EPHA5: variants seen among roughly 807,000 people sequenced by gnomAD.
EPHA5 encodes the protein ephrin type-A receptor 5.
Under a neutral mutation model 105.0 loss-of-function variants are expected in EPHA5, and 60 were observed. That is an observed-to-expected ratio of 0.57 (90% CI 0.46 to 0.71). The LOEUF (loss-of-function observed/expected upper bound fraction) is 0.71, where lower values mean the gene tolerates loss of function less well. EPHA5 is among the 30% of genes least tolerant of loss of function. The probability of loss-of-function intolerance (pLI) is 0.00; values close to 1 mark genes in which losing one functional copy is unlikely to be tolerated. For synonymous variants in EPHA5, 513 were observed against 449.1 expected (o/e 1.14, Z -1.80); for missense variants, 1,218 against 1,274.7 (o/e 0.96, Z 0.68).
chr4:65,383,037 T>C (rs145805992), intron 8 of EPHA5, among the ~76,000 whole-genome samples: 3 of 149,154 alleles, frequency 2.0e-5, no homozygotes, highest in Non-Finnish European at 4.5e-5. Context: ...AAACATATAA[T>C]TTATATATAC....
At chr4:65,407,523 T>C (rs961713760) in intron 7 of EPHA5, among the ~76,000 whole-genome samples, 39 of 122,660 alleles carry the variant, frequency 3.2e-4, no homozygotes, top group African/African-American at 1.0e-3. Context: ...GCTAAGACAT[T>C]TTATGAACAT....
At chr4:65,473,053 G>A (rs540767525) in intron 5 of EPHA5, among the ~76,000 whole-genome samples, 5 of 152,116 alleles carry the variant, frequency 3.3e-5, no homozygotes, top group Non-Finnish European at 7.4e-5. Context: ...TAGGGCAGAG[G>A]CAAAATGCCA....
At chr4:65,529,812 T>C (rs758740019) in intron 3 of EPHA5, among the ~76,000 whole-genome samples, 2 of 152,108 alleles carry the variant, frequency 1.3e-5, no homozygotes, top group Non-Finnish European at 2.9e-5. Flanking sequence ...TAATTAATAG[T>C]CTACAAATAA....
rs532893072 is a variant in EPHA5 at position 65,619,760 on chromosome 4, T to C, written c.247-17456A>G. ...CCTAAGTATCTATGTGCACAGAATT[T>C]CCATTCAATTTAATGAAGTTATACT... On this transcript the variant is annotated intron_variant, in intron 2 of 16. Transcript: ENST00000613740. Among the ~76,000 whole-genome samples, 392 of 152,108 alleles carry C rather than the reference T, an allele frequency of 2.6e-3. 1 individual carries two copies. The highest frequency in any genetic ancestry group is 4.1e-3 in the Admixed American group (63 of 15,258).
At chr4:65,641,934 T>C (rs1304100731) in intron 2 of EPHA5, among the ~76,000 whole-genome samples, 1 of 152,114 alleles carries the variant, frequency 6.6e-6, no homozygotes, top group Non-Finnish European at 1.5e-5. Context: ...CAATTAATTG[T>C]TTCATATAGA....
intron 8 of EPHA5, among the ~76,000 whole-genome samples, chr4:65,400,735 G>A (rs1260718242): frequency 1.3e-5 from 2 of 152,028 alleles, no homozygotes; most frequent in African/African-American, 2.4e-5. Flanking sequence ...TACCCAGTGT[G>A]TCATCATTTG....
chr4:65,567,078 T>G (rs1326731867), intron 3 of EPHA5, among the ~76,000 whole-genome samples: 1 of 151,618 alleles, frequency 6.6e-6, no homozygotes, highest in Non-Finnish European at 1.5e-5. Flanking sequence ...TAACAGAAAC[T>G]TAAAAATATT....
At chr4:65,359,895 C>A (rs937628777) in intron 11 of EPHA5, among the ~76,000 whole-genome samples, 1 of 151,570 alleles carries the variant, frequency 6.6e-6, no homozygotes, top group Non-Finnish European at 1.5e-5. Flanking sequence ...ATGGTCTTTG[C>A]AGGCACCAAA....
intron 2 of EPHA5, among the ~76,000 whole-genome samples, chr4:65,629,013 A>G (rs1466831481): frequency 6.6e-6 from 1 of 152,228 alleles, no homozygotes; most frequent in Non-Finnish European, 1.5e-5. Context: ...TTCTAGATAA[A>G]ATGCTAAGAA....
At chr4:65,494,897 A>C (rs1274547787) in intron 4 of EPHA5, among the ~76,000 whole-genome samples, 1 of 152,112 alleles carries the variant, frequency 6.6e-6, no homozygotes, top group Non-Finnish European at 1.5e-5. Flanking sequence ...GTTTAGAACA[A>C]GATGGTGAAG....
At chr4:65,402,844 C>T in intron 8 of EPHA5, among the ~76,000 whole-genome samples, 1 of 152,072 alleles carries the variant, frequency 6.6e-6, no homozygotes, top group Admixed American at 6.6e-5. Flanking sequence ...CTTGATTATA[C>T]TATTGGATCA....
chr4:65,420,009 T>TA (rs1723786684), intron 6 of EPHA5, among the ~76,000 whole-genome samples: 2 of 152,286 alleles, frequency 1.3e-5, no homozygotes, highest in Middle Eastern at 3.4e-3. Flanking sequence ...TAAGAATCTT[T>TA]AAAAAATGTA....
chr4:65,617,801 A>G (rs1218219580), intron 2 of EPHA5, among the ~76,000 whole-genome samples: 1 of 152,150 alleles, frequency 6.6e-6, no homozygotes, highest in Non-Finnish European at 1.5e-5. Context: ...TACTACTTGA[A>G]TCACTGTGAA....
chr4:65,506,048 T>C (rs923323246), intron 3 of EPHA5, among the ~76,000 whole-genome samples: 2 of 152,266 alleles, frequency 1.3e-5, no homozygotes, highest in East Asian at 3.9e-4. Flanking sequence ...CCCCTTCCTG[T>C]GTCCATGTGT....
At chr4:65,432,372 T>G (rs1725060549) in intron 5 of EPHA5, among the ~76,000 whole-genome samples, 1 of 152,120 alleles carries the variant, frequency 6.6e-6, no homozygotes, top group African/African-American at 2.4e-5. Context: ...TAACCTGCGC[T>G]CCAATAAAAT....
At chr4:65,454,291 AAAT>A (rs572468101) in intron 5 of EPHA5, among the ~76,000 whole-genome samples, 3 of 149,850 alleles carry the variant, frequency 2.0e-5, no homozygotes, top group Non-Finnish European at 3.0e-5. Context: ...TAATAATAAT[AAAT>A]AATAATAATA....
chr4:65,478,110 C>A (rs990832105), intron 5 of EPHA5, among the ~76,000 whole-genome samples: 1 of 152,180 alleles, frequency 6.6e-6, no homozygotes, highest in Non-Finnish European at 1.5e-5. Context: ...CACAAGGTAA[C>A]AAGCACAGAA....
rs1722112391 is a variant in EPHA5 at position 65,404,042 on chromosome 4, GC to G, written c.1793+331del. Among the ~76,000 whole-genome samples the G allele has an allele frequency of 2.6e-5, 4 of 152,102 alleles. No homozygotes were observed. The South Asian group carries it at 8.3e-4, about 32-fold the overall frequency. On this transcript the variant is annotated intron_variant, in intron 8 of 16. Coordinates refer to ENST00000613740, the MANE Select transcript of EPHA5 (RefSeq NM_001281766.3). ...TTCCCAAATGCTAATTAAACTTGAA[GC>G]AGGCAACCATATACAATTTTGAGAG...
chr4:65,595,108 G>GT (rs1051557954), intron 3 of EPHA5, among the ~76,000 whole-genome samples: 19 of 144,724 alleles, frequency 1.3e-4, no homozygotes, highest in South Asian at 8.8e-4. Flanking sequence ...ACTTTTCACA[G>GT]TTTTTTTTCC....
Sources: gnomAD v4.1 joint callset for allele counts (sites outside exome capture counted in the v4.1 genomes callset) on GRCh38, gnomAD v4.1.1 for gene constraint, MANE v1.5 for transcripts, NCBI Gene and HGNC (gene_info 2026-07-23, HGNC 2026-07-21) for gene names.